RPS6KA2: variants seen among roughly 807,000 people sequenced by gnomAD.
The protein encoded by RPS6KA2 is ribosomal protein S6 kinase alpha-2.
In RPS6KA2, 42 loss-of-function variants were observed where a neutral mutation model predicts 91.8. The ratio of observed to expected loss-of-function variants is 0.46; its 90% CI spans 0.36 to 0.59. RPS6KA2 has a LOEUF of 0.59. Among genes scored for constraint, RPS6KA2 ranks in the 20% least tolerant of loss-of-function variants. RPS6KA2 has a pLI of 0.00. For synonymous variants in RPS6KA2, 414 were observed against 393.6 expected, an observed-to-expected ratio of 1.05 and a Z score of -0.61; for missense variants, 798 against 978.5, an observed-to-expected ratio of 0.82 and a Z score of 2.46.
At chr6:166,610,502 CCAAA>C (rs1786132612) in intron 1 of RPS6KA2, among the ~76,000 whole-genome samples, 2 of 152,328 alleles carry the variant, frequency 1.3e-5, no homozygotes, top group South Asian at 4.1e-4. Flanking sequence ...CTTCATGAGG[CCAAA>C]CACTTAAATA....
intron 3 of RPS6KA2, among the ~76,000 whole-genome samples, chr6:166,529,317 A>G (rs1056003030): frequency 6.6e-6 from 1 of 152,240 alleles, no homozygotes; most frequent in African/African-American, 2.4e-5. Context: ...AAACTATTGC[A>G]AGGACAGAAA....
intron 11 of RPS6KA2, 38 bp downstream of exon 11, chr6:166,469,803 C>T: frequency 6.4e-7 from 1 of 1,562,614 alleles, no homozygotes; most frequent in Non-Finnish European, 8.8e-7. Flanking sequence ...ACTTCTGTGT[C>T]ACGCGTGTGC....
Position 166,762,349 on chromosome 6 carries a change from G to A in RPS6KA2, c.123+95851C>T, listed in dbSNP as rs145740430. ...CAAAGCAATTGGTATGCATGTGTGT[G>A]TTCATGCAGTGTGCGTGTGTGTGTT... On this transcript the variant is annotated intron_variant, in intron 2 of 21. Transcript: ENST00000503859. Among the ~76,000 whole-genome samples the A allele has an allele frequency of 4.6e-5, 7 of 152,298 alleles. No homozygotes were observed. In the East Asian group the frequency reaches 1.4e-3, roughly 29 times the overall value.
At chr6:166,741,514 C>T (rs3734600) in intron 2 of RPS6KA2, among the ~76,000 whole-genome samples, 54,717 of 152,124 alleles carry the variant, frequency 0.36, 14,384 homozygotes, top group African/African-American at 0.75. Context: ...AATATTAAAC[C>T]GGCACTCAAG....
intron 1 of RPS6KA2, among the ~76,000 whole-genome samples, chr6:166,584,839 C>G (rs1490550236): frequency 6.6e-6 from 1 of 152,208 alleles, no homozygotes; most frequent in Non-Finnish European, 1.5e-5. Context: ...ATTTGAAATG[C>G]AATATTGGTC....
chr6:166,496,002 TCTC>T (rs1466598309), intron 8 of RPS6KA2, among the ~76,000 whole-genome samples: 2 of 152,186 alleles, frequency 1.3e-5, no homozygotes, highest in Non-Finnish European at 2.9e-5. Flanking sequence ...TCTCTTCTGT[TCTC>T]CTATTTCTTT....
rs1778807890 is a variant in RPS6KA2 at position 166,423,592 on chromosome 6, C to G, written c.1582-175G>C. ...CTGTCTTCTCCAGAGGGCCCCCCAC[C>G]TTCTCCCATTCTCCTGTGGTGGTCA... On this transcript the variant is annotated intron_variant, in intron 16 of 20. Transcript: ENST00000265678. This position sits in a 1 kb window ranked among gnomAD's most constrained non-coding sequence, Gnocchi z 4.8. 6.6e-6 allele frequency among the ~76,000 whole-genome samples: 1 copy of G among 152,196 alleles called. No individual in the cohort carries two copies. The highest frequency in any genetic ancestry group is 6.5e-5 in the Admixed American group (1 of 15,280).
At chr6:166,611,788 G>T (rs1436126308) in intron 1 of RPS6KA2, among the ~76,000 whole-genome samples, 3 of 152,158 alleles carry the variant, frequency 2.0e-5, no homozygotes, top group Non-Finnish European at 4.4e-5. Context: ...CGCAAGTCAG[G>T]ACTCCACGTT....
chr6:166,827,256 C>CAAAAAAAAAAAAAAA (rs56296433), intron 2 of RPS6KA2, among the ~76,000 whole-genome samples: 1 of 94,496 alleles, frequency 1.1e-5, no homozygotes, highest in Non-Finnish European at 2.0e-5. Flanking sequence ...CAACCTTATA[C>CAAAAAAAAAAAAAAA]AAAAAAAAAA....
intron 10 of RPS6KA2, among the ~76,000 whole-genome samples, chr6:166,484,358 C>T (rs999380649): frequency 6.6e-6 from 1 of 152,332 alleles, no homozygotes; most frequent in South Asian, 2.1e-4. Flanking sequence ...GCCCAGCTGC[C>T]TGGCCAGTAA....
At chr6:166,783,048 G>GTATTATTATTAT (rs71686287) in intron 2 of RPS6KA2, among the ~76,000 whole-genome samples, 2 of 134,732 alleles carry the variant, frequency 1.5e-5, no homozygotes, top group East Asian at 2.1e-4. Context: ...TATCTTTTAG[G>GTATTATTATTAT]TATTATTATT....
At chr6:166,681,287 T>C (rs1027830664) in intron 2 of RPS6KA2, among the ~76,000 whole-genome samples, 1 of 152,174 alleles carries the variant, frequency 6.6e-6, no homozygotes, top group Non-Finnish European at 1.5e-5. Context: ...GGTTGCACAA[T>C]GGACTTGTAC....
At chr6:166,830,137 AAAAAGAAAGAAAG>A (rs201907913) in intron 2 of RPS6KA2, among the ~76,000 whole-genome samples, 111 of 94,450 alleles carry the variant, frequency 1.2e-3, no homozygotes, top group Middle Eastern at 5.3e-3. Flanking sequence ...AAAAAAAAAA[AAAAAGAAAGAAAG>A]AAAGAAAGAA....
chr6:166,624,628 AG>A (rs1448819537), intron 1 of RPS6KA2, among the ~76,000 whole-genome samples: 1 of 152,204 alleles, frequency 6.6e-6, no homozygotes, highest in Non-Finnish European at 1.5e-5. Context: ...CACAGTATCC[AG>A]AAAAAGACCA....
At chr6:166,851,932 C>T (rs773605048) in intron 2 of RPS6KA2, among the ~76,000 whole-genome samples, 2 of 152,210 alleles carry the variant, frequency 1.3e-5, no homozygotes, top group African/African-American at 2.4e-5. Context: ...ACTTACACAT[C>T]AAATGATATG....
rs1779736098 is a variant in RPS6KA2, at chr6:166,448,071, C to T, written c.1332+653G>A. 6.6e-6 allele frequency among the ~76,000 whole-genome samples: 1 copy of T among 152,186 alleles called. No homozygotes were observed. The highest frequency in any genetic ancestry group is 2.1e-4 in the South Asian group (1 of 4,828). ...TGGATTCCCAGATCAAATATTTAAGCAGCAACAATTACGAAAGCTAAAGTT... is the reference window on the plus strand; with the variant it reads ...TGGATTCCCAGATCAAATATTTAAGTAGCAACAATTACGAAAGCTAAAGTT... On this transcript the variant is annotated intron_variant, in intron 14 of 20. Coordinates refer to ENST00000265678, the MANE Select transcript of RPS6KA2 (RefSeq NM_021135.6). The surrounding 1 kb of genome is among the most constrained non-coding windows in gnomAD (Gnocchi z 4.7).
intron 2 of RPS6KA2, among the ~76,000 whole-genome samples, chr6:166,717,219 C>T (rs1790038368): frequency 6.6e-6 from 1 of 152,176 alleles, no homozygotes; most frequent in Non-Finnish European, 1.5e-5. Flanking sequence ...GTGGAGGCAT[C>T]GCCATTGCTG....
chr6:166,618,967 C>A (rs189089534), intron 1 of RPS6KA2, among the ~76,000 whole-genome samples: 1 of 152,308 alleles, frequency 6.6e-6, no homozygotes, highest in East Asian at 1.9e-4. Context: ...CCATCAGATT[C>A]GCCCACAAGC....
chr6:166,488,792 C>T, intron 10 of RPS6KA2, 41 bp downstream of exon 10: 1 of 1,513,484 alleles, frequency 6.6e-7, no homozygotes, highest in Non-Finnish European at 9.1e-7. Context: ...CGGGGCAGCG[C>T]CCTGCACGTT....
Sources: gnomAD v4.1 joint callset for allele counts (sites outside exome capture counted in the v4.1 genomes callset) on GRCh38, gnomAD v4.1.1 for gene constraint, Gnocchi (gnomAD v3.1) non-coding constraint, MANE v1.5 for transcripts, NCBI Gene and HGNC (gene_info 2026-07-23, HGNC 2026-07-21) for gene names.